The following EDC3 variants were observed in gnomAD, a reference collection of about 807,000 sequenced individuals.
EDC3 encodes enhancer of mRNA-decapping protein 3.
In EDC3, 20 loss-of-function variants were observed where a neutral mutation model predicts 41.8. The ratio of observed to expected loss-of-function variants is 0.48; its 90% confidence interval spans 0.34 to 0.70. EDC3 has a LOEUF of 0.70. Among genes scored for constraint, EDC3 ranks in the 30% least tolerant of loss-of-function variants. EDC3 has a pLI of 0.01. For missense variants in EDC3, 444 were observed against 636.8 expected (o/e 0.70, Z 3.26); for synonymous variants, 206 against 243.2 (o/e 0.85, Z 1.42).
chr15:74,640,069 C>G (rs2062329384), intron 5 of EDC3: 1 of 184,466 alleles, frequency 5.4e-6, no homozygotes, highest in African/African-American at 2.4e-5. Context: ...AGCTCCCCTA[C>G]TCAGTTGTCA....
At chr15:74,653,614 A>T (rs1295941132) in intron 4 of EDC3, among the ~76,000 whole-genome samples, 2 of 152,184 alleles carry the variant, frequency 1.3e-5, no homozygotes, top group Non-Finnish European at 1.5e-5. Flanking sequence ...CCTCATTGTC[A>T]TGAACCAGTG....
At chr15:74,661,557 T>G (rs1373068468) in intron 3 of EDC3, among the ~76,000 whole-genome samples, 1 of 151,842 alleles carries the variant, frequency 6.6e-6, no homozygotes, top group Non-Finnish European at 1.5e-5. Flanking sequence ...GTGGGCAGAT[T>G]ACCTGAGGTC....
At chr15:74,662,253 T>G (rs2062628831) in intron 3 of EDC3, among the ~76,000 whole-genome samples, 1 of 152,140 alleles carries the variant, frequency 6.6e-6, no homozygotes, top group Non-Finnish European at 1.5e-5. Flanking sequence ...TTATGCTACA[T>G]TACCTACTTT....
intron 5 of EDC3, chr15:74,639,876 C>T (rs1465656858): frequency 6.6e-6 from 1 of 152,328 alleles, no homozygotes; most frequent in Non-Finnish European, 1.5e-5. Context: ...GTTTCCTCTA[C>T]TACAGCACTA....
At chr15:74,665,445 G>A (rs2141636378) in intron 3 of EDC3, among the ~76,000 whole-genome samples, 1 of 152,300 alleles carries the variant, frequency 6.6e-6, no homozygotes, top group South Asian at 2.1e-4. Flanking sequence ...AGAGAGGGAT[G>A]CCTTTCATCT....
At chr15:74,664,835 C>T (rs945480308) in intron 3 of EDC3, among the ~76,000 whole-genome samples, 5 of 152,148 alleles carry the variant, frequency 3.3e-5, no homozygotes, top group African/African-American at 7.2e-5. Flanking sequence ...AATGAACAGA[C>T]CGTTAAAGCC....
chr15:74,683,176 C>A (rs2062894498), intron 1 of EDC3, among the ~76,000 whole-genome samples: 1 of 152,174 alleles, frequency 6.6e-6, no homozygotes, highest in Admixed American at 6.5e-5. Context: ...AAAATGCCAA[C>A]CCCAAGAGGT....
At position 74,655,718 on chromosome 15, in the gene EDC3, C is replaced by T. The variant is rs760801853; in HGVS notation, c.820+15G>A. 3 of 1,589,110 alleles carry T rather than the reference C, an allele frequency of 1.9e-6. No homozygotes were observed. Among genetic ancestry groups the T allele is most frequent in the Non-Finnish European group, 2.6e-6 (3 of 1,163,564 alleles). On this transcript the variant is annotated intron_variant, in intron 4 of 6. Transcript: ENST00000315127. The stretch of plus-strand genomic sequence containing the variant: ...CAACAGCAACCAGCAGGATGTGGGA[C>T]CTGATGCAACTCACCCGTGCAGAAC...
At position 74,671,580 on chromosome 15, in the gene EDC3, C is replaced by T. The variant is rs766482884; in HGVS notation, c.359G>A (p.Arg120Lys). ...AACATCCTGGCTCTTCACATCTGTCCTCTTAGGGATATTCTGAGGGGCACT... is the reference window on the plus strand; with the variant it reads ...AACATCCTGGCTCTTCACATCTGTCTTCTTAGGGATATTCTGAGGGGCACT... ...SSSAPQNIPK[R>K]TDVKSQDVAV... The change falls in exon 3 of 7, where the codon AGG becomes AAG. Residue 120 changes from arginine to lysine, a missense_variant. This residue lies in a region of EDC3 where 200 missense variants were observed against 244.0 expected (regional missense o/e 0.82). Transcript: ENST00000315127. This position sits in a 1 kb window ranked among gnomAD's most constrained non-coding sequence, Gnocchi z 4.6. 5 of 1,614,146 alleles carry T rather than the reference C, an allele frequency of 3.1e-6. No homozygotes were observed. The highest frequency in any genetic ancestry group is 2.2e-5 in the East Asian group (1 of 44,882).
At chr15:74,681,574 G>A (rs2062871200) in intron 1 of EDC3, among the ~76,000 whole-genome samples, 1 of 152,158 alleles carries the variant, frequency 6.6e-6, no homozygotes, top group Non-Finnish European at 1.5e-5. Flanking sequence ...CGATAAAATA[G>A]AAGGCAGAAC....
intron 4 of EDC3, among the ~76,000 whole-genome samples, chr15:74,649,072 T>TTTC (rs1289599480): frequency 1.0e-4 from 15 of 147,164 alleles, no homozygotes; most frequent in African/African-American, 3.8e-4. Flanking sequence ...TTTTTTTTTT[T>TTTC]TTTTTTTTTT....
Position 74,640,459 on chromosome 15 carries a change from C to T in EDC3, c.974+7G>A, listed in dbSNP as rs755412397. 3 of 1,613,592 alleles carry T rather than the reference C, an allele frequency of 1.9e-6. No individual in the cohort carries two copies. Among genetic ancestry groups the T allele is most frequent in the African/African-American group, 1.3e-5 (1 of 74,858 alleles). On this transcript the variant is annotated splice_region_variant and intron_variant, in intron 5 of 6. Transcript: ENST00000315127. The stretch of plus-strand genomic sequence containing the variant: ...CATTGAGTCCCTGCCAGTTTATAGA[C>T]ATTTACCTGTTAGGTCCTCCGAGGA...
At chr15:74,659,033 C>G (rs930086781) in intron 3 of EDC3, among the ~76,000 whole-genome samples, 1 of 152,158 alleles carries the variant, frequency 6.6e-6, no homozygotes, top group African/African-American at 2.4e-5. Context: ...GATGATGAAC[C>G]ACTATGAAGC....
chr15:74,666,005 C>T (rs1352000787), intron 3 of EDC3, among the ~76,000 whole-genome samples: 1 of 151,976 alleles, frequency 6.6e-6, no homozygotes, highest in Non-Finnish European at 1.5e-5. Flanking sequence ...ACCATGTTGC[C>T]TAGGCTGGTC....
At chr15:74,688,781 C>G (rs2062966856) in intron 1 of EDC3, among the ~76,000 whole-genome samples, 1 of 152,102 alleles carries the variant, frequency 6.6e-6, no homozygotes, top group East Asian at 1.9e-4. Context: ...GTGGCACATG[C>G]CTGTAATCCC....
At chr15:74,645,566 G>GC (rs1324351660) in intron 4 of EDC3, among the ~76,000 whole-genome samples, 10 of 76,894 alleles carry the variant, frequency 1.3e-4, no homozygotes, top group Non-Finnish European at 2.2e-4. Flanking sequence ...AAAAAAGTTG[G>GC]GGGGGGGGGG....
chr15:74,663,234 G>A (rs2062640682), intron 3 of EDC3, among the ~76,000 whole-genome samples: 1 of 152,150 alleles, frequency 6.6e-6, no homozygotes, highest in African/African-American at 2.4e-5. Flanking sequence ...GTTGCAGTGA[G>A]CCGAGATGGC....
chr15:74,681,610 C>T (rs770877130), intron 1 of EDC3, among the ~76,000 whole-genome samples: 4 of 152,100 alleles, frequency 2.6e-5, no homozygotes, highest in Non-Finnish European at 5.9e-5. Flanking sequence ...CAAAAATATG[C>T]CCAACTGATT....
chr15:74,690,195 A>AG (rs1215615254), intron 1 of EDC3, among the ~76,000 whole-genome samples: 9 of 152,232 alleles, frequency 5.9e-5, no homozygotes, highest in African/African-American at 2.2e-4. Context: ...CTGTGTAGCT[A>AG]GGAAGGGAGC....
Sources: allele counts gnomAD v4.1 joint callset (sites outside exome capture counted in the v4.1 genomes callset), GRCh38; gene constraint gnomAD v4.1.1; regional missense constraint gnomAD v4.1.1; non-coding constraint Gnocchi (gnomAD v3.1); transcripts MANE v1.5; gene names NCBI Gene and HGNC (gene_info 2026-07-23, HGNC 2026-07-21).